ZFHX3: variants seen among roughly 807,000 people sequenced by gnomAD.
ZFHX3 encodes zinc finger homeobox 3.
Under a neutral mutation model 279.1 loss-of-function variants are expected in ZFHX3, and 42 were observed. The ratio of observed to expected loss-of-function variants is 0.15; its 90% CI spans 0.12 to 0.19. The LOEUF (loss-of-function observed/expected upper bound fraction) is 0.19, where lower values mean the gene tolerates loss of function less well. Ranked by LOEUF, ZFHX3 falls within the 10% of genes least tolerant of loss-of-function variation. ZFHX3 has a pLI of 1.00. For missense variants in ZFHX3, 4,981 were observed against 4,754.0 expected (o/e 1.05, Z -1.40); for synonymous variants, 2,293 against 1,957.8 (o/e 1.17, Z -4.52).
intron 5 of ZFHX3, among the ~76,000 whole-genome samples, chr16:73,255,174 C>T (rs1448483833): frequency 2.0e-5 from 3 of 152,290 alleles, no homozygotes; most frequent in African/African-American, 2.4e-5. Context: ...TTATGCTCAA[C>T]GGCTAGGATC....
intron 1 of ZFHX3, among the ~76,000 whole-genome samples, chr16:73,854,010 T>C (rs1961655702): frequency 6.6e-6 from 1 of 152,200 alleles, no homozygotes; most frequent in Non-Finnish European, 1.5e-5. Flanking sequence ...GTTAGACTCT[T>C]GCAGGGCCTT....
intron 2 of ZFHX3, among the ~76,000 whole-genome samples, chr16:73,618,380 T>A (rs2052326136): frequency 6.6e-6 from 1 of 152,186 alleles, no homozygotes; most frequent in South Asian, 2.1e-4. Flanking sequence ...GCCAAGCACT[T>A]GGCCAGGTTC....
chr16:73,760,378 A>G (rs1316063086), intron 1 of ZFHX3, among the ~76,000 whole-genome samples: 1 of 152,200 alleles, frequency 6.6e-6, no homozygotes, highest in Non-Finnish European at 1.5e-5. Context: ...AGCTGGTACC[A>G]TTCCTTCTGA....
At chr16:73,119,165 G>A (rs1196157386) in intron 7 of ZFHX3, among the ~76,000 whole-genome samples, 2 of 151,988 alleles carry the variant, frequency 1.3e-5, no homozygotes, top group African/African-American at 4.8e-5. Context: ...GTGCAGTGGT[G>A]CGATCATGGC....
intron 6 of ZFHX3, among the ~76,000 whole-genome samples, chr16:73,139,899 T>A (rs1439131839): frequency 6.6e-6 from 1 of 152,248 alleles, no homozygotes; most frequent in East Asian, 1.9e-4. Context: ...ACCATGGTAC[T>A]GCTGAGACTA....
At chr16:73,175,065 A>G in intron 5 of ZFHX3, among the ~76,000 whole-genome samples, 1 of 151,442 alleles carries the variant, frequency 6.6e-6, no homozygotes, top group Non-Finnish European at 1.5e-5. Context: ...CCCAAATCAG[A>G]TTAAGCCCAT....
Position 72,794,506 on chromosome 16 carries a change from G to A in ZFHX3, c.8176C>T (p.Leu2726Phe). The change falls in exon 9 of 10, where the codon CTT (leucine) becomes TTT (phenylalanine). Residue 2726 changes from leucine to phenylalanine, a missense_variant. By Grantham distance (22) the Leu-to-Phe change is conservative. Around this residue, in one of 7 missense-constraint regions of ZFHX3, gnomAD observed 744 missense variants for 701.3 expected, o/e 1.06. Coordinates refer to ENST00000268489, the MANE Select transcript of ZFHX3 (RefSeq NM_006885.4). The surrounding 1 kb of genome is among the most constrained non-coding windows in gnomAD (Gnocchi z 4.2). ...TGACGGGACCGGATATGAGCCTCAA[G>A]AGCAGTCTTGGCTTTGAAGAGCGCT... is the stretch of plus-strand genomic sequence containing the variant. ...CRALFKAKTA[L>F]EAHIRSRHWH... 2 of 1,614,226 alleles carry A rather than the reference G, an allele frequency of 1.2e-6. No homozygotes were observed. Among genetic ancestry groups the A allele is most frequent in the South Asian group, 1.1e-5 (1 of 91,086 alleles).
At chr16:73,860,729 TA>T (rs1961859230) in intron 1 of ZFHX3, among the ~76,000 whole-genome samples, 1 of 152,162 alleles carries the variant, frequency 6.6e-6, no homozygotes, top group Admixed American at 6.5e-5. Context: ...TAGCACTTGA[TA>T]AAAGTTCAGG....
chr16:73,643,873 C>G (rs1487378069), intron 2 of ZFHX3, among the ~76,000 whole-genome samples: 1 of 152,156 alleles, frequency 6.6e-6, no homozygotes, highest in Admixed American at 6.5e-5. Flanking sequence ...CCCATTCCAC[C>G]CTTCTCTCCT....
At chr16:73,872,781 G>A (rs2029865984) in intron 1 of ZFHX3, among the ~76,000 whole-genome samples, 1 of 43,766 alleles carries the variant, frequency 2.3e-5, no homozygotes, top group Non-Finnish European at 4.3e-5. Context: ...GGTGGATGGC[G>A]GTGGGTGGCG....
At chr16:72,869,469 C>T (rs554351599) in intron 4 of ZFHX3, among the ~76,000 whole-genome samples, 1 of 152,306 alleles carries the variant, frequency 6.6e-6, no homozygotes, top group African/African-American at 2.4e-5. Context: ...GTTACCCAGG[C>T]TCTGTCCAAG....
chr16:72,871,651 A>G (rs185688308), intron 4 of ZFHX3, among the ~76,000 whole-genome samples: 205 of 151,838 alleles, frequency 1.4e-3, no homozygotes, highest in Non-Finnish European at 1.9e-3. Flanking sequence ...TTTTAAAAAT[A>G]TTTTTAGTAG....
In ZFHX3 at chr16:73,416,137, AAC is replaced by A. The variant is rs1244819556; in HGVS notation, c.-1291+39864_-1291+39865del. ...GACTCCATCTCAAAAAAAAAAAAAA[AAC>A]AAAAAACGGAAAACAAACAAACAAA... On this transcript the variant is annotated intron_variant, in intron 3 of 17. Coordinates refer to the ZFHX3 transcript ENST00000641206. Among the ~76,000 whole-genome samples, 87 of 151,270 alleles carry A rather than the reference AAC, an allele frequency of 5.8e-4. 1 individual carries two copies. The highest frequency in any genetic ancestry group is 2.0e-3 in the African/African-American group (82 of 40,996).
At chr16:73,296,538 C>T (rs1232342686) in intron 4 of ZFHX3, among the ~76,000 whole-genome samples, 1 of 152,136 alleles carries the variant, frequency 6.6e-6, no homozygotes, top group Non-Finnish European at 1.5e-5. Flanking sequence ...TTGTACATTA[C>T]AAGGCCCAAC....
intron 4 of ZFHX3, among the ~76,000 whole-genome samples, chr16:73,284,534 T>C (rs1379277964): frequency 6.6e-6 from 1 of 152,166 alleles, no homozygotes; most frequent in African/African-American, 2.4e-5. Context: ...AAGTAATAGA[T>C]GAGAGCAATA....
intron 4 of ZFHX3, among the ~76,000 whole-genome samples, chr16:72,876,588 G>A (rs1201536042): frequency 6.7e-6 from 1 of 149,542 alleles, no homozygotes; most frequent in Non-Finnish European, 1.5e-5. Context: ...ACCCAGGCAT[G>A]TTGAAAAAAA....
At chr16:73,532,982 T>C (rs987588056) in intron 2 of ZFHX3, among the ~76,000 whole-genome samples, 33 of 152,218 alleles carry the variant, frequency 2.2e-4, no homozygotes, top group African/African-American at 7.7e-4. Flanking sequence ...TGTGGAACTG[T>C]CAGTCAATTA....
intron 1 of ZFHX3, among the ~76,000 whole-genome samples, chr16:73,862,411 G>A (rs1961905790): frequency 6.6e-6 from 1 of 152,220 alleles, no homozygotes; most frequent in African/African-American, 2.4e-5. Context: ...ATCTATGTAT[G>A]TTAACTTCTT....
At chr16:73,778,236 TAA>T (rs10654824) in intron 1 of ZFHX3, among the ~76,000 whole-genome samples, 1,038 of 58,638 alleles carry the variant, frequency 0.018, 17 homozygotes, top group East Asian at 0.084. Flanking sequence ...GAAGGAGTGT[TAA>T]AAAAAAAAAA....
Sources: gnomAD v4.1 joint callset for allele counts (sites outside exome capture counted in the v4.1 genomes callset) on GRCh38, gnomAD v4.1.1 for gene constraint, gnomAD v4.1.1 regional missense constraint, Gnocchi (gnomAD v3.1) non-coding constraint, MANE v1.5 for transcripts, NCBI Gene and HGNC (gene_info 2026-07-23, HGNC 2026-07-21) for gene names.